The following MIPOL1 variants were observed in gnomAD, a reference collection of about 807,000 sequenced individuals.
MIPOL1 encodes the protein mirror-image polydactyly 1.
Under a neutral mutation model 60.9 loss-of-function variants are expected in MIPOL1, and 57 were observed. The observed-to-expected ratio is 0.94, with a 90% CI of 0.76 to 1.17. The LOEUF (loss-of-function observed/expected upper bound fraction) is 1.17. Among genes scored for constraint, MIPOL1 ranks in the 50% most tolerant of loss-of-function variants. The probability of loss-of-function intolerance (pLI) is 0.00; values close to 1 mark genes in which losing one functional copy is unlikely to be tolerated. For missense variants in MIPOL1, 551 were observed against 511.6 expected (o/e 1.08, Z -0.74); for synonymous variants, 179 against 168.8 (o/e 1.06, Z -0.47).
At position 37,316,389 on chromosome 14, in the gene MIPOL1, A is replaced by C. The variant is rs536093816; in HGVS notation, c.828+7870A>C. Among the ~76,000 whole-genome samples the C allele has an allele frequency of 7.4e-4, 113 of 152,150 alleles. 2 individuals are homozygous for C. The South Asian group carries it at 0.023, about 31-fold the overall frequency. ...TCCCTTGAGTGGTGTGAATTCAAGC[A>C]AAGTGAAGATAGATTTGATCACATG... On this transcript the variant is annotated intron_variant, in intron 9 of 12. Transcript: ENST00000684589.
At chr14:37,353,501 C>T (rs1287045509) in intron 9 of MIPOL1, among the ~76,000 whole-genome samples, 1 of 151,976 alleles carries the variant, frequency 6.6e-6, no homozygotes, top group Non-Finnish European at 1.5e-5. Context: ...CTCATTGTAC[C>T]TCTGGTAGAA....
At chr14:37,209,469 G>A (rs1966592719) in intron 1 of MIPOL1, among the ~76,000 whole-genome samples, 1 of 152,038 alleles carries the variant, frequency 6.6e-6, no homozygotes, top group South Asian at 2.1e-4. Flanking sequence ...GACCAGCCTG[G>A]CCAACATGGT....
intron 9 of MIPOL1, among the ~76,000 whole-genome samples, chr14:37,353,233 G>A (rs1265873736): frequency 2.8e-5 from 4 of 143,480 alleles, no homozygotes; most frequent in African/African-American, 7.9e-5. Context: ...TATTGAACCA[G>A]CCTTGCATCC....
intron 11 of MIPOL1, among the ~76,000 whole-genome samples, chr14:37,460,597 C>G (rs953694597): frequency 1.3e-5 from 2 of 152,164 alleles, no homozygotes; most frequent in Admixed American, 1.3e-4. Flanking sequence ...CATGATCTTA[C>G]ACCTAGAAAA....
chr14:37,302,876 A>T (rs2086437187), intron 7 of MIPOL1, among the ~76,000 whole-genome samples: 1 of 151,902 alleles, frequency 6.6e-6, no homozygotes, highest in Admixed American at 6.6e-5. Context: ...TTGCCCTTTT[A>T]TTACAGAATT....
intron 9 of MIPOL1, among the ~76,000 whole-genome samples, chr14:37,348,970 T>A (rs1485111871): frequency 6.9e-6 from 1 of 143,902 alleles, no homozygotes; most frequent in Admixed American, 7.2e-5. Flanking sequence ...GGTGCCACCA[T>A]GCCCAGCTAA....
intron 9 of MIPOL1, among the ~76,000 whole-genome samples, chr14:37,319,702 G>A (rs1472628756): frequency 6.6e-6 from 1 of 152,072 alleles, no homozygotes; most frequent in Non-Finnish European, 1.5e-5. Context: ...TCAAGTGAAG[G>A]ATTTGATGAA....
intron 12 of MIPOL1, among the ~76,000 whole-genome samples, chr14:37,526,777 G>C (rs2095450412): frequency 1.3e-5 from 2 of 152,018 alleles, no homozygotes; most frequent in African/African-American, 4.8e-5. Context: ...AAATCTGTAA[G>C]ATAAATTCCT....
At chr14:37,499,776 AT>A (rs1264173232) in intron 11 of MIPOL1, 131 bp from the exon 12 acceptor site, 1 of 488,904 alleles carries the variant, frequency 2.0e-6, no homozygotes, top group African/African-American at 2.0e-5. Context: ...CATAAAAATT[AT>A]TTTCATTTGC....
intron 10 of MIPOL1, among the ~76,000 whole-genome samples, chr14:37,373,772 A>T (rs779281398): frequency 3.9e-5 from 6 of 152,040 alleles, no homozygotes; most frequent in Non-Finnish European, 5.9e-5. Flanking sequence ...CATTTTCTTT[A>T]TCCAGTCTAT....
At chr14:37,305,544 A>G (rs940873099) in intron 7 of MIPOL1, among the ~76,000 whole-genome samples, 112 of 151,964 alleles carry the variant, frequency 7.4e-4, no homozygotes, top group South Asian at 1.0e-3. Flanking sequence ...ATTTGCAGAA[A>G]AACTTGGCTG....
intron 9 of MIPOL1, among the ~76,000 whole-genome samples, chr14:37,321,342 T>C (rs1246930545): frequency 6.6e-6 from 1 of 152,034 alleles, no homozygotes; most frequent in Non-Finnish European, 1.5e-5. Flanking sequence ...TTTTCTTCTT[T>C]GACCCATGAA....
At chr14:37,508,221 A>G (rs2095297184) in intron 12 of MIPOL1, among the ~76,000 whole-genome samples, 1 of 152,190 alleles carries the variant, frequency 6.6e-6, no homozygotes, top group African/African-American at 2.4e-5. Context: ...TAAAATTTAA[A>G]CTAAAGGAAT....
chr14:37,380,847 C>T (rs561064650), intron 10 of MIPOL1, among the ~76,000 whole-genome samples: 39 of 152,136 alleles, frequency 2.6e-4, no homozygotes, highest in African/African-American at 5.5e-4. Context: ...ACTTGAATGA[C>T]GGCACAAATT....
intron 12 of MIPOL1, chr14:37,507,932 T>C (rs1406067946): frequency 2.0e-5 from 3 of 152,174 alleles, no homozygotes; most frequent in African/African-American, 7.2e-5. Context: ...TTTCTTCTGA[T>C]TTCCAACAGT....
At chr14:37,284,286 A>C (rs1000720562) in intron 6 of MIPOL1, among the ~76,000 whole-genome samples, 1 of 151,790 alleles carries the variant, frequency 6.6e-6, no homozygotes, top group Admixed American at 6.6e-5. Context: ...TGAGATGATT[A>C]CTATTTTGAA....
intron 11 of MIPOL1, among the ~76,000 whole-genome samples, chr14:37,485,353 T>C (rs926964783): frequency 1.3e-4 from 20 of 152,194 alleles, no homozygotes; most frequent in Admixed American, 9.2e-4. Context: ...TACCCAGTAA[T>C]GGTATTGCTG....
chr14:37,494,651 A>C (rs1197882305), intron 11 of MIPOL1, among the ~76,000 whole-genome samples: 1 of 152,220 alleles, frequency 6.6e-6, no homozygotes, highest in Non-Finnish European at 1.5e-5. Flanking sequence ...TGCTACATGT[A>C]TTAAATTACT....
intron 12 of MIPOL1, among the ~76,000 whole-genome samples, chr14:37,500,536 G>A (rs915291426): frequency 1.3e-5 from 2 of 152,184 alleles, no homozygotes; most frequent in Non-Finnish European, 1.5e-5. Context: ...ATTGCAACCT[G>A]AGACTTGTAG....
Sources: gnomAD v4.1 joint callset for allele counts (sites outside exome capture counted in the v4.1 genomes callset) on GRCh38, gnomAD v4.1.1 for gene constraint, MANE v1.5 for transcripts, NCBI Gene and HGNC (gene_info 2026-07-23, HGNC 2026-07-21) for gene names.